The following MBTD1 variants were observed in gnomAD, a reference collection of about 807,000 sequenced individuals.
MBTD1 encodes MBT domain-containing protein 1.
MBTD1 carries 24 observed loss-of-function variants against 87.8 expected under a neutral mutation model. That is an observed-to-expected ratio of 0.27 (90% confidence interval 0.20 to 0.38). MBTD1 has a LOEUF of 0.38. Among genes scored for constraint, MBTD1 ranks in the 10% least tolerant of loss-of-function variants. The pLI is 1.00. For missense variants in MBTD1, 436 were observed against 760.2 expected (o/e 0.57, Z 5.02); for synonymous variants, 237 against 248.6 (o/e 0.95, Z 0.44).
At chr17:51,246,036 C>T (rs909726818) in intron 2 of MBTD1, among the ~76,000 whole-genome samples, 2 of 152,154 alleles carry the variant, frequency 1.3e-5, no homozygotes, top group Non-Finnish European at 2.9e-5. Context: ...TAGCCTGCTT[C>T]ACATAGGTTT....
intron 3 of MBTD1, among the ~76,000 whole-genome samples, chr17:51,221,968 G>A (rs1196159570): frequency 2.0e-5 from 3 of 152,132 alleles, no homozygotes; most frequent in Non-Finnish European, 4.4e-5. Context: ...GATTGCAGGT[G>A]AACAAAGGGT....
intron 2 of MBTD1, among the ~76,000 whole-genome samples, chr17:51,239,761 C>CA (rs374791854): frequency 7.4e-4 from 111 of 150,106 alleles, no homozygotes; most frequent in Middle Eastern, 3.4e-3. Flanking sequence ...AAGCAAAAAA[C>CA]AAAAAAAACA....
intron 12 of MBTD1, among the ~76,000 whole-genome samples, chr17:51,199,050 A>C (rs1377164929): frequency 6.7e-6 from 1 of 149,716 alleles, no homozygotes; most frequent in East Asian, 2.0e-4. Context: ...CCTGCCTTGG[A>C]GTCCCAAAGT....
At chr17:51,209,835 T>A (rs2052067323) in intron 6 of MBTD1, among the ~76,000 whole-genome samples, 1 of 152,194 alleles carries the variant, frequency 6.6e-6, no homozygotes, top group South Asian at 2.1e-4. Context: ...GTCTTCAGAC[T>A]AACAGGCAAA....
At chr17:51,234,263 T>C (rs140848325) in intron 2 of MBTD1, among the ~76,000 whole-genome samples, 5 of 151,740 alleles carry the variant, frequency 3.3e-5, no homozygotes, top group African/African-American at 1.2e-4. Flanking sequence ...TGTAGTGGCA[T>C]GCACCTGTAA....
chr17:51,229,042 CA>C (rs1268795007), intron 2 of MBTD1, among the ~76,000 whole-genome samples: 1 of 150,342 alleles, frequency 6.7e-6, no homozygotes, highest in African/African-American at 2.4e-5. Flanking sequence ...AAAGAAAAAA[CA>C]AATGGGCCAG....
At chr17:51,201,202 AG>A (rs2051470518) in intron 12 of MBTD1, among the ~76,000 whole-genome samples, 1 of 152,150 alleles carries the variant, frequency 6.6e-6, no homozygotes, top group Admixed American at 6.5e-5. Context: ...GTTTCAGATG[AG>A]GGGGAAAAGA....
chr17:51,190,750 A>AAAAAAAAAAATTAT (rs1555677185), intron 16 of MBTD1, among the ~76,000 whole-genome samples: 1 of 39,718 alleles, frequency 2.5e-5, no homozygotes, highest in Non-Finnish European at 4.1e-5. Context: ...AAAAAAAAAA[A>AAAAAAAAAAATTAT]ATATATATAT....
At chr17:51,250,569 T>C (rs1235955235) in intron 2 of MBTD1, 1 of 152,232 alleles carries the variant, frequency 6.6e-6, no homozygotes, top group Non-Finnish European at 1.5e-5. Flanking sequence ...TGCTTTGTTA[T>C]GTTGCTTTTG....
At chr17:51,233,894 T>G (rs73353635) in intron 2 of MBTD1, among the ~76,000 whole-genome samples, 1 of 152,114 alleles carries the variant, frequency 6.6e-6, no homozygotes, top group African/African-American at 2.4e-5. Flanking sequence ...CTGATCAATG[T>G]ATTGCCTTCA....
At chr17:51,204,180 C>G (rs1365930543) in intron 7 of MBTD1, among the ~76,000 whole-genome samples, 1 of 152,110 alleles carries the variant, frequency 6.6e-6, no homozygotes, top group African/African-American at 2.4e-5. Flanking sequence ...CTTTGAGAAC[C>G]ATCTGTTCAG....
intron 6 of MBTD1, among the ~76,000 whole-genome samples, chr17:51,212,283 G>C (rs933631623): frequency 6.6e-6 from 1 of 151,650 alleles, no homozygotes; most frequent in Non-Finnish European, 1.5e-5. Flanking sequence ...GATTGAACCC[G>C]GGAAGCAGAG....
At chr17:51,244,269 C>T (rs1259324411) in intron 2 of MBTD1, among the ~76,000 whole-genome samples, 1 of 152,198 alleles carries the variant, frequency 6.6e-6, no homozygotes, top group Non-Finnish European at 1.5e-5. Context: ...TCATAACCCC[C>T]TTTTATTGAC....
rs190825255 is a variant in MBTD1 at position 51,192,737 on chromosome 17, T to C, written c.1690+45A>G. On this transcript the variant is annotated intron_variant, in intron 15 of 16. Coordinates refer to ENST00000586178, the MANE Select transcript of MBTD1 (RefSeq NM_017643.3). ...TTATGTGAGATAGTCCTCTGGAGAATTGCTGATTTTTACAAAAGGACACCT... is the reference window on the plus strand; with the variant it reads ...TTATGTGAGATAGTCCTCTGGAGAACTGCTGATTTTTACAAAAGGACACCT... 2.7e-5 allele frequency: 43 copies of C among 1,606,828 alleles called. No homozygotes were observed. The East Asian group carries it at 4.5e-4, about 17-fold the overall frequency.
In MBTD1 at chr17:51,177,989, A is replaced by G. The variant is rs1461884431; in HGVS notation, c.*2587T>C. ...CAAACAAACACTGAAAACCCGTGTT[A>G]GTATCGTAGAATAAGAAGTTGATAA... On this transcript the variant is annotated 3_prime_UTR_variant, in exon 17 of 17. Coordinates refer to ENST00000586178, the MANE Select transcript of MBTD1 (RefSeq NM_017643.3). The G allele has an allele frequency of 6.6e-6, 1 of 152,226 alleles. No homozygotes were observed. Among genetic ancestry groups the G allele is most frequent in the East Asian group, 1.9e-4 (1 of 5,206 alleles). The allele number at this position is 152,226 out of a possible 1,614,324, so 9.4% of individuals were successfully genotyped here.
Position 51,217,432 on chromosome 17 carries a change from T to C in MBTD1, c.404-16A>G. The stretch of plus-strand genomic sequence containing the variant: ...ATGGAGACTGCTAAAATGAAACAAA[T>C]TTAGATGTATTATAATTCTCAAATC... On this transcript the variant is annotated splice_polypyrimidine_tract_variant and intron_variant, in intron 5 of 16. Transcript: ENST00000586178. 1 of 1,221,176 alleles carries C rather than the reference T, an allele frequency of 8.2e-7. No homozygotes were observed. The highest frequency in any genetic ancestry group is 1.1e-6 in the Non-Finnish European group (1 of 871,796). The allele number at this position is 1,221,176 out of a possible 1,614,324, so 75.6% of individuals were successfully genotyped here.
intron 2 of MBTD1, chr17:51,256,613 A>G (rs934584340): frequency 2.6e-5 from 4 of 152,374 alleles, no homozygotes; most frequent in Admixed American, 1.3e-4. Flanking sequence ...GTGTATGTCC[A>G]GTATGCCAGA....
intron 2 of MBTD1, among the ~76,000 whole-genome samples, chr17:51,243,212 T>C (rs961696158): frequency 2.6e-5 from 4 of 152,104 alleles, no homozygotes; most frequent in African/African-American, 2.4e-5. Context: ...CCAGAGGTGC[T>C]GGGAATGTAT....
intron 16 of MBTD1, among the ~76,000 whole-genome samples, chr17:51,181,504 CAAAA>C (rs1253541491): frequency 1.3e-5 from 2 of 151,746 alleles, no homozygotes; most frequent in South Asian, 4.2e-4. Context: ...CTACAAAAAA[CAAAA>C]AAAAGCTGGG....
Sources: allele counts gnomAD v4.1 joint callset (sites outside exome capture counted in the v4.1 genomes callset), GRCh38; gene constraint gnomAD v4.1.1; transcripts MANE v1.5; gene names NCBI Gene and HGNC (gene_info 2026-07-23, HGNC 2026-07-21).